RSRC1: variants seen among roughly 807,000 people sequenced by gnomAD.
RSRC1 encodes the protein serine/Arginine-related protein 53.
In RSRC1, 39 loss-of-function variants were observed where a neutral mutation model predicts 49.1. The ratio of observed to expected loss-of-function variants is 0.79; its 90% CI spans 0.61 to 1.04. The LOEUF (loss-of-function observed/expected upper bound fraction) is 1.04. Among genes scored for constraint, RSRC1 ranks in the 50% least tolerant of loss-of-function variants. The pLI is 0.00. For missense variants in RSRC1, 388 were observed against 402.4 expected, an observed-to-expected ratio of 0.96 and a Z score of 0.31; for synonymous variants, 143 against 130.8, an observed-to-expected ratio of 1.09 and a Z score of -0.63.
Position 158,365,019 on chromosome 3 carries a change from GT to G in RSRC1, c.583+10117del, listed in dbSNP as rs1244866545. Among the ~76,000 whole-genome samples the G allele has an allele frequency of 2.6e-5, 4 of 152,126 alleles. No homozygotes were observed. In the South Asian group the frequency reaches 8.3e-4, roughly 32 times the overall value. ...CTATAAATGTTAGCTAGTAGGAGTA[GT>G]TTTTTATGTCATTACCAAAGTGGCT... On this transcript the variant is annotated intron_variant, in intron 6 of 9. Coordinates refer to ENST00000611884, the MANE Select transcript of RSRC1 (RefSeq NM_001271838.2).
intron 7 of RSRC1, among the ~76,000 whole-genome samples, chr3:158,468,634 T>G (rs1181382810): frequency 2.0e-5 from 3 of 152,186 alleles, no homozygotes; most frequent in African/African-American, 7.2e-5. Context: ...GGAGTGAATG[T>G]AAAGCACTTA....
In RSRC1 at chr3:158,228,819, A is replaced by T. The variant is rs1722672117; in HGVS notation, c.494+25574A>T. 2.4e-5 allele frequency among the ~76,000 whole-genome samples: 2 copies of T among 82,906 alleles called. 1 individual carries two copies. The highest frequency in any genetic ancestry group is 2.5e-4 in the Admixed American group (2 of 8,038). 54.4% of individuals were successfully genotyped at this position (82,906 alleles called of 152,430 possible). Reference sequence around the variant, plus strand: ...TGTGTGTATATATGTCTATGATCATAGACACACGTGTGTATATATGTATAT... The same window carrying T: ...TGTGTGTATATATGTCTATGATCATTGACACACGTGTGTATATATGTATAT... On this transcript the variant is annotated intron_variant, in intron 4 of 9. Transcript: ENST00000611884.
intron 6 of RSRC1, among the ~76,000 whole-genome samples, chr3:158,444,001 C>T (rs1736533787): frequency 6.6e-6 from 1 of 152,118 alleles, no homozygotes; most frequent in South Asian, 2.1e-4. Context: ...GTTAATTGCC[C>T]TATATGGGCC....
intron 3 of RSRC1, among the ~76,000 whole-genome samples, chr3:158,130,072 C>T (rs1715915519): frequency 6.6e-6 from 1 of 152,140 alleles, no homozygotes; most frequent in East Asian, 1.9e-4. Flanking sequence ...GGTTAGAGAT[C>T]AGGGTGACAG....
chr3:158,221,069 A>G (rs1294139178), intron 4 of RSRC1, among the ~76,000 whole-genome samples: 1 of 151,576 alleles, frequency 6.6e-6, no homozygotes, highest in African/African-American at 2.4e-5. Flanking sequence ...TATTTGTAAT[A>G]TCCTCTGACT....
chr3:158,498,804 C>G (rs1739463385), intron 7 of RSRC1, among the ~76,000 whole-genome samples: 1 of 152,168 alleles, frequency 6.6e-6, no homozygotes, highest in African/African-American at 2.4e-5. Flanking sequence ...CCAATTATCC[C>G]ATCACCATTT....
chr3:158,272,692 AATATT>A (rs1481334054), intron 4 of RSRC1, among the ~76,000 whole-genome samples: 2 of 152,062 alleles, frequency 1.3e-5, no homozygotes, highest in Non-Finnish European at 2.9e-5. Flanking sequence ...TGCAAAACAG[AATATT>A]ATAGTTAGTA....
intron 4 of RSRC1, chr3:158,275,818 A>G: frequency 2.0e-6 from 1 of 496,960 alleles, no homozygotes; most frequent in Middle Eastern, 5.6e-4. Context: ...ATTAGTGATA[A>G]CAGTGGAGCT....
intron 5 of RSRC1, among the ~76,000 whole-genome samples, chr3:158,300,076 A>T (rs749833145): frequency 1.3e-5 from 2 of 152,172 alleles, no homozygotes; most frequent in Non-Finnish European, 2.9e-5. Flanking sequence ...TATTTTTGAC[A>T]CTAAGTTATA....
chr3:158,326,698 G>T (rs1466816768), intron 5 of RSRC1, among the ~76,000 whole-genome samples: 2 of 151,972 alleles, frequency 1.3e-5, no homozygotes, highest in East Asian at 3.9e-4. Context: ...CTCTTTTTTT[G>T]TTGTGTCTCT....
chr3:158,194,804 T>C (rs1479052634), intron 3 of RSRC1, among the ~76,000 whole-genome samples: 1 of 152,096 alleles, frequency 6.6e-6, no homozygotes, highest in Non-Finnish European at 1.5e-5. Flanking sequence ...GCTTCATCCA[T>C]GTCCCTACAA....
Position 158,453,403 on chromosome 3 carries a change from C to T in RSRC1, c.584-7532C>T, listed in dbSNP as rs528155861. On this transcript the variant is annotated intron_variant, in intron 6 of 9. Coordinates refer to ENST00000611884, the MANE Select transcript of RSRC1 (RefSeq NM_001271838.2). Reference sequence around the variant, plus strand: ...GAACCTTTTTTTTTTTTTTTCGAGTCGGAGTATTGCTCTGTCACCCAGGCT... The same window carrying T: ...GAACCTTTTTTTTTTTTTTTCGAGTTGGAGTATTGCTCTGTCACCCAGGCT... Among the ~76,000 whole-genome samples the T allele has an allele frequency of 7.6e-4, 110 of 145,204 alleles. 1 individual carries two copies. Among genetic ancestry groups the T allele is most frequent in the African/African-American group, 2.7e-3 (105 of 39,000 alleles).
intron 6 of RSRC1, among the ~76,000 whole-genome samples, chr3:158,441,064 A>T (rs1187334896): frequency 6.6e-6 from 1 of 152,146 alleles, no homozygotes; most frequent in Non-Finnish European, 1.5e-5. Context: ...TGCTTAACTT[A>T]TAGGTCTTAA....
intron 4 of RSRC1, among the ~76,000 whole-genome samples, chr3:158,267,361 A>G (rs1182589354): frequency 3.9e-5 from 6 of 152,052 alleles, no homozygotes. Flanking sequence ...CTCACTTTTC[A>G]GTGAGCTTTT....
At chr3:158,210,426 G>A (rs571148896) in intron 4 of RSRC1, among the ~76,000 whole-genome samples, 6 of 141,790 alleles carry the variant, frequency 4.2e-5, no homozygotes, top group South Asian at 2.2e-4. Context: ...TGTTTGGTTC[G>A]AAAGCAGTAT....
At chr3:158,389,333 TTTGA>T (rs1253671733) in intron 6 of RSRC1, among the ~76,000 whole-genome samples, 3 of 152,208 alleles carry the variant, frequency 2.0e-5, no homozygotes, top group African/African-American at 7.2e-5. Context: ...ATCTTAATAG[TTTGA>T]TTGCTTCATA....
At chr3:158,277,147 A>C (rs1282592434) in intron 4 of RSRC1, among the ~76,000 whole-genome samples, 2 of 152,210 alleles carry the variant, frequency 1.3e-5, no homozygotes, top group Non-Finnish European at 2.9e-5. Context: ...ATAATTATTG[A>C]GCACAACTTT....
chr3:158,537,239 C>A, intron 8 of RSRC1, 41 bp downstream of exon 8: 2 of 1,172,660 alleles, frequency 1.7e-6, no homozygotes, highest in South Asian at 3.1e-5. Flanking sequence ...CCTTTGGATT[C>A]TACCTGAAGA....
At chr3:158,114,661 C>A (rs909403165) in intron 1 of RSRC1, among the ~76,000 whole-genome samples, 2 of 152,066 alleles carry the variant, frequency 1.3e-5, no homozygotes, top group Admixed American at 6.6e-5. Context: ...TTGTTTGTGT[C>A]CTCTCTGATT....
Sources: allele counts gnomAD v4.1 joint callset (sites outside exome capture counted in the v4.1 genomes callset), GRCh38; gene constraint gnomAD v4.1.1; transcripts MANE v1.5; gene names NCBI Gene and HGNC (gene_info 2026-07-23, HGNC 2026-07-21).